Variants in TRMT10C observed in about 807,000 individuals in gnomAD.
TRMT10C encodes tRNA methyltransferase 10 homolog C.
Under a neutral mutation model 27.4 loss-of-function variants are expected in TRMT10C, and 14 were observed. The observed-to-expected ratio is 0.51, with a 90% CI of 0.34 to 0.80. The LOEUF is 0.80. Among genes scored for constraint, TRMT10C ranks in the 30% least tolerant of loss-of-function variants. The probability of loss-of-function intolerance (pLI) is 0.02; values close to 1 mark genes in which losing one functional copy is unlikely to be tolerated. For synonymous variants in TRMT10C, 143 were observed against 155.9 expected (o/e 0.92, Z 0.62); for missense variants, 438 against 464.8 (o/e 0.94, Z 0.53).
At position 101,566,174 on chromosome 3, in the gene TRMT10C, C is replaced by G. The variant is rs1297695765; in HGVS notation, c.*181C>G. Reference sequence around the variant, plus strand: ...CTGACTGTAGGGTTGTGTCTTTTCCCAATTAAATATCTGCAGAACTTTGGG... The same window carrying G: ...CTGACTGTAGGGTTGTGTCTTTTCCGAATTAAATATCTGCAGAACTTTGGG... On this transcript the variant is annotated 3_prime_UTR_variant, in exon 2 of 2. Coordinates refer to ENST00000309922, the MANE Select transcript of TRMT10C (RefSeq NM_017819.4). 12 of 616,626 alleles carry G rather than the reference C, an allele frequency of 1.9e-5. No homozygotes were observed. Among genetic ancestry groups the G allele is most frequent in the Non-Finnish European group, 1.4e-5 (5 of 369,818 alleles). 38.2% of individuals were successfully genotyped at this position (616,626 alleles called of 1,614,324 possible).
In TRMT10C at chr3:101,565,711, G is replaced by A; in HGVS notation, c.930G>A (p.Gly310=). ...TFRHDKVYVI[G]SFVDKSMQPG... Reference sequence around the variant, plus strand: ...GGCATGACAAAGTTTATGTAATTGGGTCTTTTGTTGATAAGAGTATGCAGC... The same window carrying A: ...GGCATGACAAAGTTTATGTAATTGGATCTTTTGTTGATAAGAGTATGCAGC... Residue 310 remains glycine, a synonymous_variant, in exon 2 of 2, where the codon GGG becomes GGA. Transcript: ENST00000309922. 1 of 1,614,190 alleles carries A rather than the reference G, an allele frequency of 6.2e-7. No individual in the cohort carries two copies. Among genetic ancestry groups the A allele is most frequent in the Non-Finnish European group, 8.5e-7 (1 of 1,180,044 alleles).
Position 101,566,048 on chromosome 3 carries a change from C to A in TRMT10C, c.*55C>A. On this transcript the variant is annotated 3_prime_UTR_variant, in exon 2 of 2. Transcript: ENST00000309922. ...ACAGAACACGTGGCTCAAATGAGAA[C>A]ATTTGATGGCTTAAAAAGTAAATGC... is the stretch of plus-strand genomic sequence containing the variant. 6.7e-7 allele frequency: 1 copy of A among 1,502,620 alleles called. No individual in the cohort carries two copies. The highest frequency in any genetic ancestry group is 8.9e-7 in the Non-Finnish European group (1 of 1,122,234). 93.1% of individuals were successfully genotyped at this position (1,502,620 alleles called of 1,614,324 possible).
chr3:101,562,066 C>CCAAG (rs1033736891), intron 1 of TRMT10C, 63 bp downstream of exon 1: 8 of 152,250 alleles, frequency 5.3e-5, no homozygotes. Flanking sequence ...CGGAGACGTT[C>CCAAG]CAAGATGCAC....
intron 1 of TRMT10C, chr3:101,562,230 T>C (rs1295619136): frequency 6.6e-6 from 1 of 152,252 alleles, no homozygotes; most frequent in Non-Finnish European, 1.5e-5. Context: ...ATTTCTGTGG[T>C]ATTCTAAGTC....
chr3:101,564,893 A>C lies in TRMT10C; in HGVS notation c.112A>C (p.Arg38=). The change falls in exon 2 of 2, where the codon AGA becomes CGA. Residue 38 remains arginine (R), a synonymous_variant. Transcript: ENST00000309922. ...GAGAAATAACTTAACAATTTTGCAG[A>C]GATACATGTCTTCCAAAATACCAGC... is the stretch of plus-strand genomic sequence containing the variant. ...RKRNNLTILQ[R]YMSSKIPAVT... is the part of the protein sequence containing the mutation. The C allele has an allele frequency of 1.2e-6, 2 of 1,614,130 alleles. No homozygotes were observed. The highest frequency in any genetic ancestry group is 2.2e-5 in the South Asian group (2 of 91,078).
chr3:101,564,920 GTTAC>G lies in TRMT10C; in HGVS notation c.143_146del (p.Thr48IlefsTer13), dbSNP rs1559949226. 6.2e-7 allele frequency: 1 copy of G among 1,613,884 alleles called. No homozygotes were observed. Among genetic ancestry groups the G allele is most frequent in the Non-Finnish European group, 8.5e-7 (1 of 1,179,990 alleles). On this transcript the variant is annotated frameshift_variant, in exon 2 of 2. Transcript: ENST00000309922. LOFTEE classifies it high-confidence loss of function. ...ATACATGTCTTCCAAAATACCAGCT[GTTAC>G]TTATCCTAAAAATGAGAGTACACCC...
In TRMT10C at chr3:101,565,471, T is replaced by C; in HGVS notation, c.690T>C (p.Ser230=). The change falls in exon 2 of 2, where the codon AGT becomes AGC. Residue 230 remains serine (S), a synonymous_variant. Transcript: ENST00000309922. ...ATACTGTTTCCCAGCTTTTAGAAAG[T>C]GAAGGATGGAACAGAAGAAATGTTG... The part of the protein sequence containing the change: ...LQNTVSQLLE[S]EGWNRRNVDP... The C allele has an allele frequency of 2.5e-6, 4 of 1,614,162 alleles. No individual in the cohort carries two copies. The highest frequency in any genetic ancestry group is 3.4e-6 in the Non-Finnish European group (4 of 1,180,012).
Position 101,565,259 on chromosome 3 carries a change from G to A in TRMT10C, c.478G>A (p.Ala160Thr). 1 of 1,611,120 alleles carries A rather than the reference G, an allele frequency of 6.2e-7. No individual in the cohort carries two copies. The highest frequency in any genetic ancestry group is 8.5e-7 in the Non-Finnish European group (1 of 1,178,838). ...AATGAAAGCAGCAGCAAGGGAAGAAGCAAAAAATATCAAGCTGCTAGAAAC... is the reference window on the plus strand; with the variant it reads ...AATGAAAGCAGCAGCAAGGGAAGAAACAAAAAATATCAAGCTGCTAGAAAC... ...KEMKAAAREEAKNIKLLETTE... is the reference protein window; with the variant it reads ...KEMKAAAREETKNIKLLETTE... The change falls in exon 2 of 2, where the codon GCA (alanine) becomes ACA (threonine). Residue 160 changes from alanine (A) to threonine (T), a missense_variant. Physicochemically the swap from Ala to Thr is moderately conservative, Grantham distance 58 (BLOSUM62 0). Around this residue, in one of 3 missense-constraint regions of TRMT10C, gnomAD observed 350 missense variants for 370.5 expected, o/e 0.94. Transcript: ENST00000309922.
chr3:101,565,157 A>C lies in TRMT10C; in HGVS notation c.376A>C (p.Asn126His). The C allele has an allele frequency of 6.3e-7, 1 of 1,580,838 alleles. No homozygotes were observed. The highest frequency in any genetic ancestry group is 8.6e-7 in the Non-Finnish European group (1 of 1,167,722). The change falls in exon 2 of 2, where the codon AAC becomes CAC. Residue 126 changes from asparagine to histidine, a missense_variant. Around this residue, in one of 3 missense-constraint regions of TRMT10C, gnomAD observed 350 missense variants for 370.5 expected, o/e 0.94. Coordinates refer to ENST00000309922, the MANE Select transcript of TRMT10C (RefSeq NM_017819.4). ...ELKTLMECVSNTAKKKYLKYL... is the reference protein window; with the variant it reads ...ELKTLMECVSHTAKKKYLKYL... ...CAAAACCCTTATGGAATGTGTTTCT[A>C]ACACAGCAAAAAAAAAATATTTAAA...
intron 1 of TRMT10C, among the ~76,000 whole-genome samples, chr3:101,563,238 C>T (rs1934451692): frequency 7.7e-6 from 1 of 130,378 alleles, no homozygotes; most frequent in Non-Finnish European, 1.7e-5. Context: ...ACATCAGCCT[C>T]ACGAGTACCT....
Position 101,565,935 on chromosome 3 carries a change from T to A in TRMT10C, c.1154T>A (p.Leu385Gln). The part of the protein sequence containing the change: ...FVPKRKHTGF[L>Q]EISQHSQEFI... ...CCCAAGAGAAAACATACTGGTTTTC[T>A]GGAGATTTCTCAGCATTCTCAAGAG... is the stretch of plus-strand genomic sequence containing the variant. The change falls in exon 2 of 2, where the codon CTG (leucine) becomes CAG (glutamine). Residue 385 changes from leucine to glutamine, a missense_variant. By Grantham distance (113) the Leu-to-Gln change is moderately radical (BLOSUM62 -2). This residue lies in a region of TRMT10C where 84 missense variants were observed against 76.5 expected (regional missense o/e 1.10). Coordinates refer to ENST00000309922, the MANE Select transcript of TRMT10C (RefSeq NM_017819.4). 6.2e-7 allele frequency: 1 copy of A among 1,613,626 alleles called. No homozygotes were observed. The highest frequency in any genetic ancestry group is 8.5e-7 in the Non-Finnish European group (1 of 1,179,862).
chr3:101,562,388 T>G (rs1337300791), intron 1 of TRMT10C, among the ~76,000 whole-genome samples: 1 of 152,122 alleles, frequency 6.6e-6, no homozygotes, highest in Non-Finnish European at 1.5e-5. Flanking sequence ...GCGCGGTGGC[T>G]CACGCCTGTA....
Position 101,562,668 on chromosome 3 carries a change from G to A in TRMT10C, c.-13+665G>A, listed in dbSNP as rs890182952. On this transcript the variant is annotated intron_variant, in intron 1 of 1. Transcript: ENST00000309922. The stretch of plus-strand genomic sequence containing the variant: ...GTCTCAAAAAAAATAATAAAGGGAG[G>A]CTGAACTTTTTTTTTCTTTTTTTTT... Among the ~76,000 whole-genome samples the A allele has an allele frequency of 3.3e-5, 5 of 152,032 alleles. No individual in the cohort carries two copies. In the South Asian group the frequency reaches 8.3e-4, roughly 25 times the overall value.
chr3:101,565,621 T>C lies in TRMT10C; in HGVS notation c.840T>C (p.Asp280=), dbSNP rs1464810440. ...LLTSTEKSHV[D]LFPKDSIIYL... ...CATCAACAGAAAAGTCTCATGTAGA[T>C]TTATTTCCAAAGGACAGTATTATCT... is the stretch of plus-strand genomic sequence containing the variant. The change falls in exon 2 of 2, where the codon GAT becomes GAC. Residue 280 remains aspartate, a synonymous_variant. Coordinates refer to ENST00000309922, the MANE Select transcript of TRMT10C (RefSeq NM_017819.4). 6.2e-7 allele frequency: 1 copy of C among 1,614,052 alleles called. No homozygotes were observed. Among genetic ancestry groups the C allele is most frequent in the Non-Finnish European group, 8.5e-7 (1 of 1,180,026 alleles).
Position 101,563,271 on chromosome 3 carries a change from C to G in TRMT10C, c.-13+1268C>G, listed in dbSNP as rs116337102. Among the ~76,000 whole-genome samples, 499 of 130,786 alleles carry G rather than the reference C, an allele frequency of 3.8e-3. 5 individuals are homozygous for G. The highest frequency in any genetic ancestry group is 0.014 in the African/African-American group (490 of 34,388). The allele number at this position is 130,786 out of a possible 152,430, so 85.8% of individuals were successfully genotyped here. ...CCTGGGAAGTAGAAGAATCGCCCCA[C>G]TTCAGCCTCACGAGTACCTGGGATT... On this transcript the variant is annotated intron_variant, in intron 1 of 1. Transcript: ENST00000309922.
Position 101,565,653 on chromosome 3 carries a change from C to T in TRMT10C, c.872C>T (p.Thr291Ile). Reference protein sequence around the residue: ...LFPKDSIIYLTADSPNVMTTF... With the variant: ...LFPKDSIIYLIADSPNVMTTF... ...CCAAAGGACAGTATTATCTATTTAA[C>T]TGCAGATTCTCCCAATGTTATGACT... is the stretch of plus-strand genomic sequence containing the variant. The change falls in exon 2 of 2, where the codon ACT (threonine) becomes ATT (isoleucine). Residue 291 changes from threonine to isoleucine, a missense_variant. Physicochemically the swap from Thr to Ile is moderately conservative, Grantham distance 89 (BLOSUM62 -1). Coordinates refer to ENST00000309922, the MANE Select transcript of TRMT10C (RefSeq NM_017819.4). 6.2e-7 allele frequency: 1 copy of T among 1,614,186 alleles called. No homozygotes were observed. The highest frequency in any genetic ancestry group is 2.2e-5 in the East Asian group (1 of 44,872).
rs1442010967 is a variant in TRMT10C at position 101,565,104 on chromosome 3, T to C, written c.323T>C (p.Val108Ala). The change falls in exon 2 of 2, where the codon GTA becomes GCA. Residue 108 changes from valine (V) to alanine (A), a missense_variant. Coordinates refer to ENST00000309922, the MANE Select transcript of TRMT10C (RefSeq NM_017819.4). The stretch of plus-strand genomic sequence containing the variant: ...ATGTGGAGATTGCTTGGCAGAGAAG[T>C]ACCAGAACACATCACTGAAGAAGAG... Reference protein sequence around the residue: ...IEMWRLLGREVPEHITEEELK... With the variant: ...IEMWRLLGREAPEHITEEELK... 6.2e-7 allele frequency: 1 copy of C among 1,613,566 alleles called. No homozygotes were observed. The highest frequency in any genetic ancestry group is 1.3e-5 in the African/African-American group (1 of 74,762).
At chr3:101,563,202 G>GC (rs1559948769) in intron 1 of TRMT10C, among the ~76,000 whole-genome samples, 1 of 151,976 alleles carries the variant, frequency 6.6e-6, no homozygotes, top group African/African-American at 2.4e-5. Flanking sequence ...TGCAACTTCC[G>GC]CCCCCCTTAT....
chr3:101,564,880 A>C lies in TRMT10C; in HGVS notation c.99A>C (p.Leu33Phe), dbSNP rs1934483445. 2 of 1,614,086 alleles carry C rather than the reference A, an allele frequency of 1.2e-6. No individual in the cohort carries two copies. The highest frequency in any genetic ancestry group is 2.7e-5 in the African/African-American group (2 of 75,036). ...PFTLHRKRNN[L>F]TILQRYMSSK... ...CCCTTCATAGGAAGAGAAATAACTT[A>C]ACAATTTTGCAGAGATACATGTCTT... The change falls in exon 2 of 2, where the codon TTA becomes TTC. Residue 33 changes from leucine (L) to phenylalanine (F), a missense_variant. Leu to Phe is a conservative substitution (Grantham distance 22). Transcript: ENST00000309922.
Sources: allele counts gnomAD v4.1 joint callset (sites outside exome capture counted in the v4.1 genomes callset), GRCh38; gene constraint gnomAD v4.1.1; regional missense constraint gnomAD v4.1.1; transcripts MANE v1.5; gene names NCBI Gene and HGNC (gene_info 2026-07-23, HGNC 2026-07-21).